The following CTNND2 variants were observed in gnomAD, a reference collection of about 807,000 sequenced individuals.
The protein encoded by CTNND2 is catenin delta 2.
CTNND2 carries 22 observed loss-of-function variants against 144.4 expected under a neutral mutation model. The observed-to-expected ratio is 0.15, with a 90% CI of 0.11 to 0.22. The LOEUF (loss-of-function observed/expected upper bound fraction) is 0.22. Ranked by LOEUF, CTNND2 falls within the 10% of genes least tolerant of loss-of-function variation. CTNND2 has a pLI of 1.00. For synonymous variants in CTNND2, 751 were observed against 695.6 expected (o/e 1.08, Z -1.25); for missense variants, 1,353 against 1,618.8 (o/e 0.84, Z 2.82).
At chr5:11,838,413 C>CGGGT (rs1280703053) in intron 1 of CTNND2, among the ~76,000 whole-genome samples, 3 of 152,204 alleles carry the variant, frequency 2.0e-5, no homozygotes, top group Non-Finnish European at 4.4e-5. Context: ...GGTTCTCAAA[C>CGGGT]TTCGGGCAAT....
chr5:11,879,592 T>G (rs1735878083), intron 1 of CTNND2, among the ~76,000 whole-genome samples: 1 of 152,000 alleles, frequency 6.6e-6, no homozygotes, highest in South Asian at 2.1e-4. Flanking sequence ...CATCCTATTC[T>G]GTACCATTGA....
intron 2 of CTNND2, among the ~76,000 whole-genome samples, chr5:11,660,155 T>C (rs1181842566): frequency 6.6e-6 from 1 of 151,984 alleles, no homozygotes; most frequent in Non-Finnish European, 1.5e-5. Context: ...TATCAGGCAA[T>C]AGTAATAGAA....
chr5:11,295,155 T>C (rs1318782213), intron 9 of CTNND2, among the ~76,000 whole-genome samples: 1 of 152,130 alleles, frequency 6.6e-6, no homozygotes, highest in African/African-American at 2.4e-5. Flanking sequence ...AAAATCAATG[T>C]GCAAAAATCA....
chr5:11,698,202 A>G (rs1355243704), intron 2 of CTNND2, among the ~76,000 whole-genome samples: 1 of 152,180 alleles, frequency 6.6e-6, no homozygotes, highest in Non-Finnish European at 1.5e-5. Context: ...GCTCCCAAAC[A>G]ATACTCCCCA....
intron 2 of CTNND2, among the ~76,000 whole-genome samples, chr5:11,620,457 C>A (rs1397790610): frequency 2.6e-5 from 4 of 152,168 alleles, no homozygotes; most frequent in African/African-American, 9.6e-5. Flanking sequence ...ACTATCCAAA[C>A]CTAAACCTGT....
chr5:11,438,777 T>C (rs956353498), intron 3 of CTNND2, among the ~76,000 whole-genome samples: 3 of 152,108 alleles, frequency 2.0e-5, no homozygotes, highest in African/African-American at 7.2e-5. Context: ...TTTAATCCCT[T>C]CCGAAAGACA....
chr5:11,244,025 C>T (rs186979432), intron 9 of CTNND2, among the ~76,000 whole-genome samples: 3 of 152,058 alleles, frequency 2.0e-5, no homozygotes, highest in East Asian at 1.9e-4. Context: ...AAGACTGTAC[C>T]GATTTTGACT....
At chr5:11,664,173 A>T (rs1783428321) in intron 2 of CTNND2, among the ~76,000 whole-genome samples, 2 of 152,362 alleles carry the variant, frequency 1.3e-5, no homozygotes, top group Admixed American at 1.3e-4. Flanking sequence ...TATTCAAAAT[A>T]TCTACCAAAT....
intron 3 of CTNND2, among the ~76,000 whole-genome samples, chr5:11,472,428 G>A (rs901690553): frequency 2.6e-5 from 4 of 152,084 alleles, no homozygotes; most frequent in Middle Eastern, 6.8e-3. Flanking sequence ...GATTTTTCCA[G>A]ACAAACTTCA....
chr5:11,425,982 C>T (rs537923773), intron 3 of CTNND2, among the ~76,000 whole-genome samples: 37 of 152,284 alleles, frequency 2.4e-4, no homozygotes, highest in South Asian at 1.9e-3. Flanking sequence ...GGGATCCCCT[C>T]GGCCTGCCTT....
chr5:11,580,004 T>G (rs1778299353), intron 2 of CTNND2, among the ~76,000 whole-genome samples: 1 of 152,186 alleles, frequency 6.6e-6, no homozygotes. Context: ...AATTAAACAG[T>G]CAACAAAGCA....
chr5:11,402,223 T>C (rs940963052), intron 5 of CTNND2, among the ~76,000 whole-genome samples: 8 of 152,212 alleles, frequency 5.3e-5, no homozygotes, highest in African/African-American at 1.7e-4. Flanking sequence ...AGCCTGAAAT[T>C]CTTTTTTCCA....
At chr5:11,781,842 C>T (rs1790557358) in intron 1 of CTNND2, among the ~76,000 whole-genome samples, 1 of 152,206 alleles carries the variant, frequency 6.6e-6, no homozygotes, top group African/African-American at 2.4e-5. Flanking sequence ...TAAATACTAA[C>T]TACCTGTAAA....
At chr5:11,209,183 TA>T (rs1738362646) in intron 10 of CTNND2, among the ~76,000 whole-genome samples, 1 of 152,232 alleles carries the variant, frequency 6.6e-6, no homozygotes, top group Non-Finnish European at 1.5e-5. Context: ...AGGGATTTTC[TA>T]GAACATGACA....
chr5:11,000,895 T>TC (rs1175083307), intron 18 of CTNND2, among the ~76,000 whole-genome samples: 1 of 152,144 alleles, frequency 6.6e-6, no homozygotes, highest in Non-Finnish European at 1.5e-5. Flanking sequence ...GCTCCACTCC[T>TC]CCCCCAAATG....
At chr5:11,731,581 G>C (rs1381809069) in intron 2 of CTNND2, among the ~76,000 whole-genome samples, 2 of 152,042 alleles carry the variant, frequency 1.3e-5, no homozygotes, top group East Asian at 3.9e-4. Flanking sequence ...TTAAATCTAA[G>C]GTTCAGATTT....
chr5:11,173,948 T>G (rs748229805), intron 11 of CTNND2, among the ~76,000 whole-genome samples: 2 of 152,098 alleles, frequency 1.3e-5, no homozygotes, highest in Non-Finnish European at 2.9e-5. Context: ...TGAAAAGAAG[T>G]GGGCAGGCAA....
intron 8 of CTNND2, among the ~76,000 whole-genome samples, chr5:11,359,490 C>T (rs1282699370): frequency 6.6e-6 from 1 of 152,146 alleles, no homozygotes; most frequent in Non-Finnish European, 1.5e-5. Flanking sequence ...GGGTACTCTC[C>T]GGGAGCTCTG....
At chr5:11,394,682 T>A in intron 6 of CTNND2, among the ~76,000 whole-genome samples, 1 of 152,202 alleles carries the variant, frequency 6.6e-6, no homozygotes, top group East Asian at 1.9e-4. Context: ...CAGTTTGAGT[T>A]TTGGGCTGAT....
Sources: allele counts gnomAD v4.1 joint callset (sites outside exome capture counted in the v4.1 genomes callset), GRCh38; gene constraint gnomAD v4.1.1; transcripts MANE v1.5; gene names NCBI Gene and HGNC (gene_info 2026-07-23, HGNC 2026-07-21).